Variants in PLGRKT observed in about 807,000 individuals in gnomAD.
The protein encoded by PLGRKT is plasminogen receptor (KT).
PLGRKT carries 22 observed loss-of-function variants against 18.5 expected under a neutral mutation model. The ratio of observed to expected loss-of-function variants is 1.19; its 90% CI spans 0.85 to 1.70. The LOEUF (loss-of-function observed/expected upper bound fraction) is 1.70, where lower values mean the gene tolerates loss of function less well. PLGRKT is among the 40% of genes most tolerant of loss of function. The pLI is 0.00. For synonymous variants in PLGRKT, 72 were observed against 52.8 expected (o/e 1.36, Z -1.58); for missense variants, 235 against 174.4 (o/e 1.35, Z -1.96).
intron 3 of PLGRKT, among the ~76,000 whole-genome samples, chr9:5,423,553 T>A (rs1586742247): frequency 6.6e-6 from 1 of 152,080 alleles, no homozygotes; most frequent in African/African-American, 2.4e-5. Flanking sequence ...GGCACTGACC[T>A]TTTTTAAAGG....
chr9:5,373,095 T>A (rs995648070), intron 3 of PLGRKT, among the ~76,000 whole-genome samples: 1 of 152,208 alleles, frequency 6.6e-6, no homozygotes, highest in African/African-American at 2.4e-5. Context: ...CCTTTCTATA[T>A]AATTAGTGCA....
intron 3 of PLGRKT, among the ~76,000 whole-genome samples, chr9:5,426,630 A>G (rs747837145): frequency 1.3e-5 from 2 of 152,200 alleles, no homozygotes; most frequent in East Asian, 1.9e-4. Flanking sequence ...CTTAAGCAAC[A>G]TATGTTAGGA....
At chr9:5,386,205 G>A (rs1025298115) in intron 3 of PLGRKT, among the ~76,000 whole-genome samples, 2 of 151,864 alleles carry the variant, frequency 1.3e-5, no homozygotes, top group African/African-American at 4.9e-5. Context: ...CTGACTTGCT[G>A]GCCTGCATGC....
chr9:5,404,312 G>C (rs1257401167), intron 3 of PLGRKT, among the ~76,000 whole-genome samples: 3 of 152,086 alleles, frequency 2.0e-5, no homozygotes, highest in South Asian at 2.1e-4. Context: ...ACCTGGCAGA[G>C]ATGCAACAAA....
chr9:5,384,627 A>G (rs1817807495), intron 3 of PLGRKT, among the ~76,000 whole-genome samples: 2 of 152,168 alleles, frequency 1.3e-5, no homozygotes, highest in African/African-American at 4.8e-5. Context: ...AGAGAAGTCA[A>G]ACTACACAGA....
rs146687294 is a variant in PLGRKT, at chr9:5,373,542, G to A, written c.82-11654C>T. On this transcript the variant is annotated intron_variant, in intron 3 of 5. Coordinates refer to ENST00000223864, the MANE Select transcript of PLGRKT (RefSeq NM_018465.4). The stretch of plus-strand genomic sequence containing the variant: ...AGGCTGAGCACAGTGGTTCATGCCT[G>A]TAATTCCAGCACTTTGGCTGGCTGA... 6.7e-4 allele frequency among the ~76,000 whole-genome samples: 102 copies of A among 152,308 alleles called. 1 individual carries two copies. The highest frequency in any genetic ancestry group is 1.2e-3 in the Non-Finnish European group (82 of 68,030).
rs139139330 is a variant in PLGRKT, at chr9:5,406,668, C to T, written c.81+25229G>A. Among the ~76,000 whole-genome samples, 864 of 152,144 alleles carry T rather than the reference C, an allele frequency of 5.7e-3. 5 individuals carry two copies. The highest frequency in any genetic ancestry group is 0.01 in the Middle Eastern group (3 of 294). ...GAGCTAATGCGTGCTGGGCTTAATA[C>T]CTAGGTGATGGGTTGACAGGTACAG... On this transcript the variant is annotated intron_variant, in intron 3 of 5. Coordinates refer to ENST00000223864, the MANE Select transcript of PLGRKT (RefSeq NM_018465.4).
At chr9:5,413,113 T>C (rs567480768) in intron 3 of PLGRKT, among the ~76,000 whole-genome samples, 94 of 152,262 alleles carry the variant, frequency 6.2e-4, no homozygotes, top group Non-Finnish European at 7.6e-4. Flanking sequence ...TTTGGGAAAA[T>C]AGCCACTTTC....
At chr9:5,435,736 T>C (rs931795407) in intron 2 of PLGRKT, among the ~76,000 whole-genome samples, 2 of 152,250 alleles carry the variant, frequency 1.3e-5, no homozygotes, top group African/African-American at 4.8e-5. Context: ...AAGTTACAAC[T>C]GCTCTACCCT....
intron 3 of PLGRKT, among the ~76,000 whole-genome samples, chr9:5,400,705 G>C (rs1292140103): frequency 6.6e-6 from 1 of 151,844 alleles, no homozygotes; most frequent in East Asian, 1.9e-4. Flanking sequence ...TATCCTCCTT[G>C]AATAGTACAG....
intron 3 of PLGRKT, among the ~76,000 whole-genome samples, chr9:5,382,646 G>T (rs1817769233): frequency 6.6e-6 from 1 of 152,208 alleles, no homozygotes; most frequent in Non-Finnish European, 1.5e-5. Flanking sequence ...TTCGTGGGGA[G>T]CCACAAAGTC....
chr9:5,381,795 A>C, intron 3 of PLGRKT: 10 of 715,450 alleles, frequency 1.4e-5, no homozygotes, highest in Non-Finnish European at 1.7e-5. Context: ...GTCTAGAAAC[A>C]TGGCCAACAA....
intron 3 of PLGRKT, among the ~76,000 whole-genome samples, chr9:5,387,574 T>C (rs114371436): frequency 0.01 from 1,569 of 151,904 alleles, 57 homozygotes; most frequent in African/African-American, 0.037. Context: ...GTCCCATATA[T>C]AAGGAGCGTT....
chr9:5,400,566 C>T (rs1818135439), intron 3 of PLGRKT, among the ~76,000 whole-genome samples: 1 of 151,830 alleles, frequency 6.6e-6, no homozygotes, highest in Admixed American at 6.6e-5. Context: ...TCAAAGATAA[C>T]ACAAAATTTG....
chr9:5,365,702 G>C (rs1433359572), intron 3 of PLGRKT, among the ~76,000 whole-genome samples: 2 of 152,210 alleles, frequency 1.3e-5, no homozygotes, highest in African/African-American at 2.4e-5. Flanking sequence ...ATCAATGTTA[G>C]TTTCTTATTT....
At chr9:5,424,424 T>C (rs1358627223) in intron 3 of PLGRKT, among the ~76,000 whole-genome samples, 1 of 117,874 alleles carries the variant, frequency 8.5e-6, no homozygotes, top group East Asian at 2.0e-4. Flanking sequence ...ACATATAATA[T>C]ATAACATATT....
intron 3 of PLGRKT, among the ~76,000 whole-genome samples, chr9:5,365,443 C>G (rs921227470): frequency 1.1e-4 from 16 of 152,194 alleles, no homozygotes; most frequent in Admixed American, 1.3e-4. Context: ...AATTCCAACT[C>G]ATTTATATAC....
At chr9:5,381,680 T>C (rs894513106) in intron 3 of PLGRKT, among the ~76,000 whole-genome samples, 9 of 139,568 alleles carry the variant, frequency 6.4e-5, no homozygotes, top group Non-Finnish European at 1.4e-4. Flanking sequence ...TAAAACACGC[T>C]TTAAAAGGGG....
intron 3 of PLGRKT, among the ~76,000 whole-genome samples, chr9:5,401,421 A>G (rs921620591): frequency 1.3e-5 from 2 of 151,972 alleles, no homozygotes; most frequent in African/African-American, 4.9e-5. Context: ...ACAATAGAAC[A>G]AACAAGAAAG....
Sources: allele counts gnomAD v4.1 joint callset (sites outside exome capture counted in the v4.1 genomes callset), GRCh38; gene constraint gnomAD v4.1.1; transcripts MANE v1.5; gene names NCBI Gene and HGNC (gene_info 2026-07-23, HGNC 2026-07-21).